Variants in TRIM9 observed in about 807,000 individuals in gnomAD.
TRIM9 encodes tripartite motif containing 9.
Under a neutral mutation model 78.3 loss-of-function variants are expected in TRIM9, and 26 were observed. The ratio of observed to expected loss-of-function variants is 0.33; its 90% confidence interval spans 0.24 to 0.46. The LOEUF (loss-of-function observed/expected upper bound fraction) is 0.46, where lower values mean the gene tolerates loss of function less well. Among genes scored for constraint, TRIM9 ranks in the 20% least tolerant of loss-of-function variants. The probability of loss-of-function intolerance (pLI) is 1.00; values close to 1 mark genes in which losing one functional copy is unlikely to be tolerated. For missense variants in TRIM9, 787 were observed against 1,036.4 expected (o/e 0.76, Z 3.30); for synonymous variants, 398 against 416.5 (o/e 0.96, Z 0.54).
At chr14:50,995,945 A>T in intron 7 of TRIM9, 1 of 257,644 alleles carries the variant, frequency 3.9e-6, no homozygotes, top group Non-Finnish European at 6.1e-6. Context: ...GTCTATTGTT[A>T]CAGATCGATC....
At chr14:51,089,675 T>C (rs1017237169) in intron 1 of TRIM9, among the ~76,000 whole-genome samples, 1 of 152,264 alleles carries the variant, frequency 6.6e-6, no homozygotes, top group African/African-American at 2.4e-5. Context: ...AATCTTTGTA[T>C]AGTATTCTTA....
rs112433332 is a variant in TRIM9, at chr14:51,002,547, TCCAGGGACATTTAG to T, written c.1307-1721_1307-1708del. ...ACAGGAGAGAACAGCTTGGACCATATCCAGGGACATTTAGATGAACAAATGTTCATCATGGAACA... is the reference window on the plus strand; with the variant it reads ...ACAGGAGAGAACAGCTTGGACCATATATGAACAAATGTTCATCATGGAACA... On this transcript the variant is annotated intron_variant, in intron 5 of 12. Transcript: ENST00000684578. Among the ~76,000 whole-genome samples the T allele has an allele frequency of 7.7e-3, 1,176 of 152,248 alleles. 18 individuals are homozygous for T. The highest frequency in any genetic ancestry group is 0.026 in the African/African-American group (1,095 of 41,536).
At chr14:50,999,300 G>A (rs1224174603) in intron 6 of TRIM9, among the ~76,000 whole-genome samples, 2 of 152,060 alleles carry the variant, frequency 1.3e-5, no homozygotes, top group African/African-American at 2.4e-5. Context: ...CCCTGAAAAT[G>A]ACACAGGCAC....
intron 1 of TRIM9, 113 bp downstream of exon 1, chr14:51,094,005 C>G: frequency 9.3e-7 from 1 of 1,077,668 alleles, no homozygotes; most frequent in Non-Finnish European, 1.4e-6. Context: ...ATCGAAGGCA[C>G]CTGCATTGCG....
intron 3 of TRIM9, among the ~76,000 whole-genome samples, chr14:51,016,719 T>C (rs1176013364): frequency 4.6e-5 from 7 of 152,096 alleles, no homozygotes; most frequent in African/African-American, 1.7e-4. Context: ...GAGACAGTTG[T>C]ACTCCATGGA....
chr14:51,043,721 T>C (rs2059736578), intron 1 of TRIM9, among the ~76,000 whole-genome samples: 2 of 152,162 alleles, frequency 1.3e-5, no homozygotes, highest in African/African-American at 2.4e-5. Context: ...TCTTTTTAGT[T>C]CTCTAGCAGC....
chr14:51,065,411 T>C (rs747246100), intron 1 of TRIM9, among the ~76,000 whole-genome samples: 33 of 152,190 alleles, frequency 2.2e-4, no homozygotes, highest in Non-Finnish European at 8.8e-5. Context: ...TAATGGATGC[T>C]TAAGAGAGTC....
intron 4 of TRIM9, 93 bp from the exon 5 acceptor site, chr14:51,009,326 A>G (rs2056261237): frequency 1.3e-6 from 2 of 1,511,096 alleles, no homozygotes; most frequent in Non-Finnish European, 1.8e-6. Context: ...ATTACTCCCA[A>G]ACTGCCTTGA....
chr14:51,066,236 T>C (rs2061728871), intron 1 of TRIM9, among the ~76,000 whole-genome samples: 1 of 152,224 alleles, frequency 6.6e-6, no homozygotes, highest in Non-Finnish European at 1.5e-5. Flanking sequence ...ACTCAGTGTC[T>C]GTGTTTCATC....
At chr14:50,983,501 C>A in intron 8 of TRIM9, 80 bp from the exon 9 acceptor site, 2 of 1,096,402 alleles carry the variant, frequency 1.8e-6, no homozygotes, top group South Asian at 1.7e-5. Context: ...TTAAAAAGCA[C>A]CAGTTGAATA....
chr14:51,079,281 C>A (rs963338597), intron 1 of TRIM9, among the ~76,000 whole-genome samples: 1 of 152,184 alleles, frequency 6.6e-6, no homozygotes, highest in African/African-American at 2.4e-5. Flanking sequence ...ATTGGCCAAT[C>A]TTTGGCTAGC....
chr14:51,026,870 T>C (rs1460252016), intron 1 of TRIM9, among the ~76,000 whole-genome samples: 3 of 152,214 alleles, frequency 2.0e-5, no homozygotes, highest in Non-Finnish European at 4.4e-5. Context: ...TACTTTGTAG[T>C]TGGGTTATTG....
At chr14:50,982,638 C>T (rs1304071234) in intron 10 of TRIM9, 1 of 415,274 alleles carries the variant, frequency 2.4e-6, no homozygotes, top group Non-Finnish European at 4.4e-6. Context: ...GCAACATAAA[C>T]TAATTTTCAT....
At chr14:51,046,977 CTG>C (rs2059998386) in intron 1 of TRIM9, among the ~76,000 whole-genome samples, 1 of 152,174 alleles carries the variant, frequency 6.6e-6, no homozygotes, top group Non-Finnish European at 1.5e-5. Flanking sequence ...TATAGTAAGA[CTG>C]TAAAGAAATG....
intron 1 of TRIM9, among the ~76,000 whole-genome samples, chr14:51,072,205 T>C (rs1327984154): frequency 6.6e-6 from 1 of 152,174 alleles, no homozygotes; most frequent in African/African-American, 2.4e-5. Flanking sequence ...TTTCTTTTTT[T>C]TCATAGGGAA....
chr14:51,070,044 C>T (rs921038800), intron 1 of TRIM9, among the ~76,000 whole-genome samples: 3 of 152,164 alleles, frequency 2.0e-5, no homozygotes, highest in African/African-American at 7.2e-5. Flanking sequence ...TGTTTCAGCT[C>T]TAATTCAATA....
At chr14:51,049,373 G>A (rs78316550) in intron 1 of TRIM9, among the ~76,000 whole-genome samples, 43 of 152,234 alleles carry the variant, frequency 2.8e-4, no homozygotes, top group East Asian at 1.9e-3. Context: ...GGGTCTGTGC[G>A]TGCAGTGGAG....
intron 3 of TRIM9, among the ~76,000 whole-genome samples, chr14:51,019,725 A>G (rs1408382017): frequency 6.6e-6 from 1 of 152,240 alleles, no homozygotes; most frequent in Non-Finnish European, 1.5e-5. Flanking sequence ...AGTGCTTTGC[A>G]ATGCCCTATG....
chr14:51,012,057 G>A (rs966779323), intron 3 of TRIM9, among the ~76,000 whole-genome samples: 3 of 152,060 alleles, frequency 2.0e-5, no homozygotes, highest in African/African-American at 7.3e-5. Flanking sequence ...TTCTTAATGT[G>A]TTATTGTGGC....
Sources: allele counts gnomAD v4.1 joint callset (sites outside exome capture counted in the v4.1 genomes callset), GRCh38; gene constraint gnomAD v4.1.1; transcripts MANE v1.5; gene names NCBI Gene and HGNC (gene_info 2026-07-23, HGNC 2026-07-21).